SRGAP3: variants seen among roughly 807,000 people sequenced by gnomAD.
SRGAP3 encodes the protein SLIT-ROBO Rho GTPase activating protein 3.
In SRGAP3, 39 loss-of-function variants were observed where a neutral mutation model predicts 121.1. The observed-to-expected ratio is 0.32, with a 90% CI of 0.25 to 0.42. SRGAP3 has a LOEUF of 0.42. Among genes scored for constraint, SRGAP3 ranks in the 10% least tolerant of loss-of-function variants. The pLI, the probability that SRGAP3 is intolerant of heterozygous loss-of-function variation, is 1.00. For synonymous variants in SRGAP3, 601 were observed against 570.0 expected (o/e 1.05, Z -0.77); for missense variants, 1,213 against 1,470.6 (o/e 0.82, Z 2.86).
At chr3:9,342,969 C>G (rs1441834273) in intron 1 of SRGAP3, among the ~76,000 whole-genome samples, 1 of 152,250 alleles carries the variant, frequency 6.6e-6, no homozygotes, top group Non-Finnish European at 1.5e-5. Flanking sequence ...CAGACTAGCC[C>G]ATTCTGGGCT....
chr3:9,104,959 T>A, intron 2 of SRGAP3, 117 bp from the exon 3 acceptor site: 2 of 1,246,234 alleles, frequency 1.6e-6, no homozygotes, highest in Non-Finnish European at 2.3e-6. Flanking sequence ...AGGTCAGTCT[T>A]GTTGTTACAC....
At chr3:9,047,129 G>A (rs991974203) in intron 10 of SRGAP3, among the ~76,000 whole-genome samples, 16 of 152,174 alleles carry the variant, frequency 1.1e-4, no homozygotes, top group Non-Finnish European at 2.1e-4. Context: ...ACCGTGCCCA[G>A]CCTCTATTTT....
chr3:9,251,153 G>A (rs930732855), upstream of SRGAP3, among the ~76,000 whole-genome samples: 8 of 151,598 alleles, frequency 5.3e-5, no homozygotes, highest in African/African-American at 1.7e-4. Context: ...GAGTGAGGCG[G>A]GGCAGGATGT....
intron 14 of SRGAP3, among the ~76,000 whole-genome samples, chr3:9,024,284 C>T (rs1055381634): frequency 5.3e-5 from 8 of 152,146 alleles, no homozygotes; most frequent in African/African-American, 1.9e-4. Flanking sequence ...TGGAAAACTG[C>T]AGGCAGAGAT....
At position 9,268,322 on chromosome 3, in the gene SRGAP3, CTT is replaced by C. The variant is rs1463631083; in HGVS notation, n.442+57686_442+57687del. ...TCTCTCTCTCTCTCTCTCTCTCTCT[CTT>C]TCTCTCTCTCTCTTCCCCCCTCTCT... On this transcript the variant is annotated intron_variant and non_coding_transcript_variant, in intron 3 of 3. Coordinates refer to the SRGAP3 transcript ENST00000490889. 7.5e-5 allele frequency among the ~76,000 whole-genome samples: 11 copies of C among 145,908 alleles called. No homozygotes were observed. In the East Asian group the frequency reaches 1.4e-3, roughly 18 times the overall value.
rs980292837 is a variant in SRGAP3 at position 9,292,188 on chromosome 3, G to C, written n.442+33822C>G. Among the ~76,000 whole-genome samples the C allele has an allele frequency of 2.6e-5, 4 of 152,290 alleles. No homozygotes were observed. In the Middle Eastern group the frequency reaches 0.014, roughly 518 times the overall value. On this transcript the variant is annotated intron_variant and non_coding_transcript_variant, in intron 3 of 3. Transcript: ENST00000490889. ...AGATCTTTGGTTCTCAAACTGTAGCGTGCATCAGAATCCCCCAGAGGGCCC... is the reference window on the plus strand; with the variant it reads ...AGATCTTTGGTTCTCAAACTGTAGCCTGCATCAGAATCCCCCAGAGGGCCC...
chr3:9,355,533 G>T (rs1016869607), intron 1 of SRGAP3, among the ~76,000 whole-genome samples: 1 of 152,054 alleles, frequency 6.6e-6, no homozygotes, highest in Non-Finnish European at 1.5e-5. Flanking sequence ...CTTCTGCCTG[G>T]GATGCTCCCC....
chr3:9,044,938 T>G (rs926694815), intron 10 of SRGAP3, among the ~76,000 whole-genome samples: 7 of 152,184 alleles, frequency 4.6e-5, no homozygotes, highest in Non-Finnish European at 1.0e-4. Flanking sequence ...TGTATCTTTA[T>G]CGTGTAGTGG....
At chr3:9,005,772 G>C (rs1943033260) in intron 18 of SRGAP3, among the ~76,000 whole-genome samples, 1 of 152,116 alleles carries the variant, frequency 6.6e-6, no homozygotes, top group African/African-American at 2.4e-5. Flanking sequence ...GTGGGGGGTA[G>C]GGATGGGAGG....
chr3:9,171,851 G>A (rs1217783127), intron 1 of SRGAP3, among the ~76,000 whole-genome samples: 1 of 152,020 alleles, frequency 6.6e-6, no homozygotes, highest in Admixed American at 6.6e-5. Context: ...TCTGGGGGCC[G>A]GAAGAGGACA....
chr3:9,313,619 G>A (rs1955288499), intron 3 of SRGAP3, among the ~76,000 whole-genome samples: 1 of 152,006 alleles, frequency 6.6e-6, no homozygotes, highest in Non-Finnish European at 1.5e-5. Context: ...AGAGGTTGCA[G>A]TGAGCCAAGA....
intron 1 of SRGAP3, among the ~76,000 whole-genome samples, chr3:9,131,166 A>AAAAAT (rs1427717997): frequency 6.6e-6 from 1 of 152,246 alleles, no homozygotes; most frequent in Non-Finnish European, 1.5e-5. Flanking sequence ...TCAAAGAGAG[A>AAAAAT]AAAATAAAAT....
chr3:9,359,493 C>T (rs1427620888), intron 1 of SRGAP3, among the ~76,000 whole-genome samples: 6 of 152,186 alleles, frequency 3.9e-5, no homozygotes, highest in African/African-American at 1.4e-4. Flanking sequence ...GAGGCATGGA[C>T]AACCATATCA....
intron 3 of SRGAP3, among the ~76,000 whole-genome samples, chr3:9,288,530 A>T (rs558540557): frequency 6.6e-6 from 1 of 151,812 alleles, no homozygotes; most frequent in African/African-American, 2.4e-5. Context: ...TTAACTGTGG[A>T]ATCTATAATT....
intron 1 of SRGAP3, among the ~76,000 whole-genome samples, chr3:9,182,200 A>AAAAAAAC (rs1491306717): frequency 2.1e-5 from 3 of 146,304 alleles, no homozygotes; most frequent in Non-Finnish European, 4.6e-5. Context: ...AAAAAAAAAA[A>AAAAAAAC]ACACAAAAAA....
chr3:9,020,363 C>T (rs373143670), intron 14 of SRGAP3, among the ~76,000 whole-genome samples: 2 of 151,486 alleles, frequency 1.3e-5, no homozygotes, highest in African/African-American at 4.8e-5. Flanking sequence ...ACTTATAGAA[C>T]AAGGCTGTCT....
chr3:9,179,099 C>A (rs1560354410), intron 1 of SRGAP3, among the ~76,000 whole-genome samples: 1 of 152,188 alleles, frequency 6.6e-6, no homozygotes, highest in Non-Finnish European at 1.5e-5. Flanking sequence ...CACCATACAC[C>A]AAGGCTTCAG....
intron 1 of SRGAP3, among the ~76,000 whole-genome samples, chr3:9,338,147 A>G (rs1459115008): frequency 6.6e-6 from 1 of 152,188 alleles, no homozygotes; most frequent in Non-Finnish European, 1.5e-5. Context: ...CCCTGCTAGG[A>G]AGCTACTTTA....
intron 3 of SRGAP3, among the ~76,000 whole-genome samples, chr3:9,091,225 CTG>C (rs1408343084): frequency 6.6e-6 from 1 of 152,058 alleles, no homozygotes; most frequent in Non-Finnish European, 1.5e-5. Context: ...CTCTCTTCTC[CTG>C]TCTCATCAAA....
Sources: gnomAD v4.1 joint callset for allele counts (sites outside exome capture counted in the v4.1 genomes callset) on GRCh38, gnomAD v4.1.1 for gene constraint, MANE v1.5 for transcripts, NCBI Gene and HGNC (gene_info 2026-07-23, HGNC 2026-07-21) for gene names.